Variants in NRP2 observed in about 807,000 individuals in gnomAD.
NRP2 encodes the protein neuropilin 2.
Under a neutral mutation model 110.4 loss-of-function variants are expected in NRP2, and 52 were observed. The observed-to-expected ratio is 0.47, with a 90% CI of 0.38 to 0.59. The LOEUF (loss-of-function observed/expected upper bound fraction) is 0.59. Among genes scored for constraint, NRP2 ranks in the 20% least tolerant of loss-of-function variants. The pLI is 0.00. For missense variants in NRP2, 1,049 were observed against 1,203.0 expected, an observed-to-expected ratio of 0.87 and a Z score of 1.89; for synonymous variants, 508 against 468.9, an observed-to-expected ratio of 1.08 and a Z score of -1.08.
intron 1 of NRP2, among the ~76,000 whole-genome samples, chr2:205,693,274 C>T (rs955033178): frequency 6.6e-6 from 1 of 152,198 alleles, no homozygotes; most frequent in African/African-American, 2.4e-5. Flanking sequence ...ATAGATGTCT[C>T]CTAGTCATCT....
rs984329209 is a variant in NRP2 at position 205,796,614 on chromosome 2, T to C, written c.*1556T>C. 3 of 152,638 alleles carry C rather than the reference T, an allele frequency of 2.0e-5. No homozygotes were observed. The highest frequency in any genetic ancestry group is 2.9e-5 in the Non-Finnish European group (2 of 68,050). 9.5% of individuals were successfully genotyped at this position (152,638 alleles called of 1,614,324 possible). A position where few individuals can be genotyped will look rare whatever the true frequency, so the allele number is the denominator to read the frequency against. ...ATTCCCAAGTACCCCAACTCACTGC[T>C]GATCCTATTAAAGGAATGAGTCCTG... is the stretch of plus-strand genomic sequence containing the variant. On this transcript the variant is annotated 3_prime_UTR_variant, in exon 17 of 17. Coordinates refer to ENST00000357785, the MANE Select transcript of NRP2 (RefSeq NM_003872.3).
chr2:205,682,844 G>T lies in NRP2; in HGVS notation c.-447G>T, dbSNP rs2056045866. On this transcript the variant is annotated 5_prime_UTR_variant, in exon 1 of 17. Coordinates refer to ENST00000357785, the MANE Select transcript of NRP2 (RefSeq NM_003872.3). This position sits in a 1 kb window ranked among gnomAD's most constrained non-coding sequence, Gnocchi z 4.3. ...CGTGTGTCCGTCAAGGGTGCCGCGGGATGTGTGTCAGTTTACGCCTCTGAG... is the reference window on the plus strand; with the variant it reads ...CGTGTGTCCGTCAAGGGTGCCGCGGTATGTGTGTCAGTTTACGCCTCTGAG... The T allele has an allele frequency of 5.8e-6, 1 of 171,098 alleles. No individual in the cohort carries two copies. The highest frequency in any genetic ancestry group is 5.7e-5 in the Admixed American group (1 of 17,576). 10.6% of individuals were successfully genotyped at this position (171,098 alleles called of 1,614,324 possible).
At chr2:205,740,015 G>A in intron 7 of NRP2, 1 of 252,794 alleles carries the variant, frequency 4.0e-6, no homozygotes, top group Non-Finnish European at 7.7e-6. Flanking sequence ...TCATCATCTT[G>A]TCCGCTCATG....
At position 205,684,914 on chromosome 2, in the gene NRP2, A is replaced by G. The variant is rs557136098; in HGVS notation, c.73+1551A>G. Among the ~76,000 whole-genome samples the G allele has an allele frequency of 1.1e-4, 16 of 152,180 alleles. No individual in the cohort carries two copies. The South Asian group carries it at 1.9e-3, about 18-fold the overall frequency. ...TGAGGATGCCCACAGTATATTATGT[A>G]TTCAGACACGGACTCCAGTAGGCCC... is the stretch of plus-strand genomic sequence containing the variant. On this transcript the variant is annotated intron_variant, in intron 1 of 16. Coordinates refer to ENST00000357785, the MANE Select transcript of NRP2 (RefSeq NM_003872.3).
intron 1 of NRP2, among the ~76,000 whole-genome samples, chr2:205,688,351 G>C (rs2105864345): frequency 1.3e-5 from 2 of 152,308 alleles, no homozygotes; most frequent in Non-Finnish European, 2.9e-5. Context: ...TTCCTTCCAG[G>C]TAAGGACTTG....
At chr2:205,776,516 C>T in intron 15 of NRP2, 1 of 1,467,242 alleles carries the variant, frequency 6.8e-7, no homozygotes, top group Non-Finnish European at 9.4e-7. Context: ...GACCGTGGCT[C>T]GCACTGCTGA....
Position 205,797,561 on chromosome 2 carries a change from A to AAGCAGGGTACGC in NRP2, c.*2506_*2517dup, listed in dbSNP as rs1281466989. On this transcript the variant is annotated 3_prime_UTR_variant, in exon 17 of 17. Coordinates refer to ENST00000357785, the MANE Select transcript of NRP2 (RefSeq NM_003872.3). Reference sequence around the variant, plus strand: ...TGAGTGGGCCTTGAATGCTAAAAAGAAGCAGGGTACGCAGGGCTACATGTA... The same window carrying AAGCAGGGTACGC: ...TGAGTGGGCCTTGAATGCTAAAAAGAAGCAGGGTACGCAGCAGGGTACGCAGGGCTACATGTA... 1.1e-4 allele frequency: 17 copies of AAGCAGGGTACGC among 152,670 alleles called. No homozygotes were observed. Among genetic ancestry groups the AAGCAGGGTACGC allele is most frequent in the African/African-American group, 3.4e-4 (14 of 41,572 alleles). The allele number at this position is 152,670 out of a possible 1,614,324, so 9.5% of individuals were successfully genotyped here. A position where few individuals can be genotyped will look rare whatever the true frequency, so the allele number is the denominator to read the frequency against.
intron 2 of NRP2, among the ~76,000 whole-genome samples, chr2:205,711,551 G>T (rs1209311055): frequency 6.6e-6 from 1 of 152,104 alleles, no homozygotes; most frequent in Non-Finnish European, 1.5e-5. Flanking sequence ...GCTTGCAAAG[G>T]CCCTGGGGTT....
At chr2:205,781,216 T>G (rs186875207) in intron 15 of NRP2, among the ~76,000 whole-genome samples, 1 of 152,272 alleles carries the variant, frequency 6.6e-6, no homozygotes, top group Admixed American at 6.5e-5. Flanking sequence ...GGGTACTTAC[T>G]CCCCCTAAAA....
chr2:205,746,836 G>C (rs1478024647), intron 10 of NRP2, among the ~76,000 whole-genome samples: 2 of 152,238 alleles, frequency 1.3e-5, no homozygotes, highest in Admixed American at 1.3e-4. Flanking sequence ...GAAAAATGCT[G>C]CCTGTATGCT....
intron 2 of NRP2, among the ~76,000 whole-genome samples, chr2:205,709,469 G>A (rs1388629259): frequency 6.6e-6 from 1 of 152,216 alleles, no homozygotes; most frequent in South Asian, 2.1e-4. Context: ...ACCCGCAAAG[G>A]TGGAGACTGT....
At chr2:205,793,986 TGAG>T (rs1432729276) in intron 16 of NRP2, among the ~76,000 whole-genome samples, 1 of 152,166 alleles carries the variant, frequency 6.6e-6, no homozygotes, top group African/African-American at 2.4e-5. Flanking sequence ...TTCATTAGCT[TGAG>T]GAGGTTGGAA....
chr2:205,690,622 ACACACAC>A (rs2056293093), intron 1 of NRP2, among the ~76,000 whole-genome samples: 1 of 127,602 alleles, frequency 7.8e-6, no homozygotes, highest in African/African-American at 3.0e-5. Flanking sequence ...ACACACACAC[ACACACAC>A]AATAGCTGGG....
chr2:205,694,360 G>A (rs1234838771), intron 1 of NRP2, among the ~76,000 whole-genome samples: 1 of 152,026 alleles, frequency 6.6e-6, no homozygotes, highest in Non-Finnish European at 1.5e-5. Context: ...TTCAGCCTTG[G>A]GCCTTTCTCA....
intron 2 of NRP2, among the ~76,000 whole-genome samples, chr2:205,711,539 G>C (rs1035291427): frequency 6.6e-6 from 1 of 152,152 alleles, no homozygotes; most frequent in African/African-American, 2.4e-5. Context: ...AGAGGAAAGA[G>C]CGCTTGCAAA....
intron 1 of NRP2, among the ~76,000 whole-genome samples, chr2:205,694,543 A>T (rs1575544261): frequency 6.6e-6 from 1 of 152,368 alleles, no homozygotes; most frequent in South Asian, 2.1e-4. Flanking sequence ...CAGCGGGCTC[A>T]GTAGCTCAAA....
rs553907940 is a variant in NRP2 at position 205,693,240 on chromosome 2, A to C, written c.74-4304A>C. 2.0e-3 allele frequency among the ~76,000 whole-genome samples: 303 copies of C among 152,348 alleles called. 1 individual carries two copies. Among genetic ancestry groups the C allele is most frequent in the Non-Finnish European group, 3.0e-3 (201 of 68,034 alleles). On this transcript the variant is annotated intron_variant, in intron 1 of 16. Transcript: ENST00000357785. ...TGAGACCGATTGCTTTTCTCCACTA[A>C]GTGCCCTCAGGTATACATAGGAAAT... is the stretch of plus-strand genomic sequence containing the variant.
intron 1 of NRP2, among the ~76,000 whole-genome samples, chr2:205,684,125 G>A (rs2056085815): frequency 6.6e-6 from 1 of 152,206 alleles, no homozygotes; most frequent in South Asian, 2.1e-4. Context: ...CTCAACCACT[G>A]CCAAAAAGGG....
Position 205,795,149 on chromosome 2 carries a change from A to C in NRP2, c.*91A>C. Reference sequence around the variant, plus strand: ...TTTTTTCCTTTGGAAACTGAATGCCATAATCTCGATCAAACCGATCCAGAA... The same window carrying C: ...TTTTTTCCTTTGGAAACTGAATGCCCTAATCTCGATCAAACCGATCCAGAA... On this transcript the variant is annotated 3_prime_UTR_variant, in exon 17 of 17. Coordinates refer to ENST00000357785, the MANE Select transcript of NRP2 (RefSeq NM_003872.3). The C allele has an allele frequency of 8.0e-7, 1 of 1,245,978 alleles. No homozygotes were observed. The highest frequency in any genetic ancestry group is 1.3e-5 in the South Asian group (1 of 77,564). The allele number at this position is 1,245,978 out of a possible 1,614,324, so 77.2% of individuals were successfully genotyped here.
Sources: allele counts gnomAD v4.1 joint callset (sites outside exome capture counted in the v4.1 genomes callset), GRCh38; gene constraint gnomAD v4.1.1; non-coding constraint Gnocchi (gnomAD v3.1); transcripts MANE v1.5; gene names NCBI Gene and HGNC (gene_info 2026-07-23, HGNC 2026-07-21).